SGCZ: variants seen among roughly 807,000 people sequenced by gnomAD.
SGCZ encodes zeta-sarcoglycan.
In SGCZ, 40 loss-of-function variants were observed where a neutral mutation model predicts 41.3. The observed-to-expected ratio is 0.97, with a 90% CI of 0.75 to 1.26. The LOEUF (loss-of-function observed/expected upper bound fraction) is 1.26. Ranked by LOEUF, SGCZ falls within the 50% of genes most tolerant of loss-of-function variation. The pLI is 0.00. For synonymous variants in SGCZ, 206 were observed against 137.5 expected, an observed-to-expected ratio of 1.50 and a Z score of -3.49; for missense variants, 552 against 369.8, an observed-to-expected ratio of 1.49 and a Z score of -4.04.
intron 1 of SGCZ, among the ~76,000 whole-genome samples, chr8:15,175,345 G>T (rs1320505658): frequency 6.6e-6 from 1 of 151,920 alleles, no homozygotes; most frequent in African/African-American, 2.4e-5. Context: ...AGATTACTAT[G>T]CAGCCATAAA....
chr8:14,876,882 G>T (rs1804376733), intron 1 of SGCZ, among the ~76,000 whole-genome samples: 1 of 152,152 alleles, frequency 6.6e-6, no homozygotes, highest in African/African-American at 2.4e-5. Flanking sequence ...CCCCCGCCCT[G>T]CAATGGAGTG....
intron 2 of SGCZ, among the ~76,000 whole-genome samples, chr8:14,495,739 G>C (rs1218218831): frequency 6.6e-6 from 1 of 152,082 alleles, no homozygotes; most frequent in East Asian, 1.9e-4. Context: ...AGTTACCAAA[G>C]GTAATTGCTC....
chr8:15,025,890 C>G (rs1248407811), intron 1 of SGCZ, among the ~76,000 whole-genome samples: 1 of 152,092 alleles, frequency 6.6e-6, no homozygotes, highest in Non-Finnish European at 1.5e-5. Flanking sequence ...TTAATACATA[C>G]TTTCATCTGC....
At chr8:15,038,031 G>A (rs1379222907) in intron 1 of SGCZ, among the ~76,000 whole-genome samples, 2 of 151,888 alleles carry the variant, frequency 1.3e-5, no homozygotes, top group African/African-American at 2.4e-5. Flanking sequence ...CCATACTAAC[G>A]GAAGCAATGA....
At chr8:15,091,247 T>C (rs1316507520) in intron 1 of SGCZ, among the ~76,000 whole-genome samples, 1 of 152,084 alleles carries the variant, frequency 6.6e-6, no homozygotes, top group Non-Finnish European at 1.5e-5. Context: ...CCTGCAACTC[T>C]GGGCTCAAGT....
At chr8:14,126,993 G>GGA (rs1563141819) in intron 5 of SGCZ, among the ~76,000 whole-genome samples, 1 of 151,932 alleles carries the variant, frequency 6.6e-6, no homozygotes, top group East Asian at 1.9e-4. Flanking sequence ...TCAGGGGGAG[G>GGA]GAGAGCATCA....
At chr8:14,426,079 T>A (rs770757478) in intron 2 of SGCZ, among the ~76,000 whole-genome samples, 2 of 152,186 alleles carry the variant, frequency 1.3e-5, no homozygotes, top group Non-Finnish European at 2.9e-5. Flanking sequence ...GACACATTAT[T>A]TGTTCCTTCA....
At chr8:14,415,119 T>A (rs1438998080) in intron 2 of SGCZ, among the ~76,000 whole-genome samples, 1 of 151,928 alleles carries the variant, frequency 6.6e-6, no homozygotes, top group Non-Finnish European at 1.5e-5. Flanking sequence ...GTAATTTCAG[T>A]GACTTTCAAA....
At chr8:14,242,335 T>A (rs766286019) in intron 3 of SGCZ, among the ~76,000 whole-genome samples, 2 of 152,170 alleles carry the variant, frequency 1.3e-5, no homozygotes, top group African/African-American at 4.8e-5. Flanking sequence ...ATACTTTACA[T>A]ATATGAGATC....
intron 1 of SGCZ, among the ~76,000 whole-genome samples, chr8:15,060,967 A>G (rs1367026997): frequency 6.6e-6 from 1 of 152,176 alleles, no homozygotes; most frequent in Non-Finnish European, 1.5e-5. Context: ...GGTAGAGTTT[A>G]TACAAAAGAT....
rs569295802 is a variant in SGCZ at position 14,350,591 on chromosome 8, G to A, written c.235-26387C>T. Among the ~76,000 whole-genome samples, 105 of 152,130 alleles carry A rather than the reference G, an allele frequency of 6.9e-4. 1 individual carries two copies. Among genetic ancestry groups the A allele is most frequent in the South Asian group, 4.2e-3 (20 of 4,818 alleles). On this transcript the variant is annotated intron_variant, in intron 2 of 7. Coordinates refer to ENST00000382080, the MANE Select transcript of SGCZ (RefSeq NM_139167.4). ...TGACCGGTACATACAGAGGTGTAAG[G>A]TTCTGGCCCTGTCGCCTCTAGAAAG...
chr8:14,244,674 T>C (rs973560064), intron 3 of SGCZ, among the ~76,000 whole-genome samples: 5 of 151,572 alleles, frequency 3.3e-5, no homozygotes, highest in Non-Finnish European at 5.9e-5. Context: ...ATCTATAAAT[T>C]ATCTTGGGCA....
Position 14,693,640 on chromosome 8 carries a change from G to C in SGCZ, c.40-138714C>G, listed in dbSNP as rs1477821626. On this transcript the variant is annotated intron_variant, in intron 1 of 7. Transcript: ENST00000382080. The stretch of plus-strand genomic sequence containing the variant: ...GAGTCTCGCTCTGTCGCCCAGGCTG[G>C]AGTGCAGTGGCGCGATCTCAGCTCA... Among the ~76,000 whole-genome samples the C allele has an allele frequency of 7.9e-5, 11 of 139,162 alleles. No homozygotes were observed. The East Asian group carries it at 2.4e-3, about 30-fold the overall frequency. The allele number at this position is 139,162 out of a possible 152,430, so 91.3% of individuals were successfully genotyped here.
At chr8:14,769,819 A>G (rs1442963063) in intron 1 of SGCZ, among the ~76,000 whole-genome samples, 1 of 144,412 alleles carries the variant, frequency 6.9e-6, no homozygotes, top group Non-Finnish European at 1.5e-5. Context: ...AAAAAAACCC[A>G]GCAACAAAAT....
At chr8:15,191,268 A>T (rs559564830) in intron 1 of SGCZ, among the ~76,000 whole-genome samples, 43 of 152,202 alleles carry the variant, frequency 2.8e-4, no homozygotes, top group African/African-American at 9.6e-4. Flanking sequence ...AAATTTTCGC[A>T]TGATCTAGTC....
intron 1 of SGCZ, among the ~76,000 whole-genome samples, chr8:14,715,525 T>C (rs1441970381): frequency 7.4e-6 from 1 of 135,322 alleles, no homozygotes; most frequent in African/African-American, 3.3e-5. Context: ...ATTACACAGA[T>C]ATCCTCCACC....
At chr8:14,589,741 A>G (rs1805181094) in intron 1 of SGCZ, among the ~76,000 whole-genome samples, 1 of 152,188 alleles carries the variant, frequency 6.6e-6, no homozygotes, top group African/African-American at 2.4e-5. Flanking sequence ...AGTAAAAGAA[A>G]AACACACAGC....
chr8:14,313,988 T>C (rs1205016214), intron 3 of SGCZ, among the ~76,000 whole-genome samples: 1 of 150,944 alleles, frequency 6.6e-6, no homozygotes, highest in African/African-American at 2.4e-5. Flanking sequence ...CCACAGGTAA[T>C]TCTTAAAGCA....
At chr8:14,306,208 G>C (rs1194592896) in intron 3 of SGCZ, among the ~76,000 whole-genome samples, 1 of 152,076 alleles carries the variant, frequency 6.6e-6, no homozygotes, top group Non-Finnish European at 1.5e-5. Flanking sequence ...GACAACAAAA[G>C]TAGTTTACAA....
Sources: allele counts gnomAD v4.1 joint callset (sites outside exome capture counted in the v4.1 genomes callset), GRCh38; gene constraint gnomAD v4.1.1; transcripts MANE v1.5; gene names NCBI Gene and HGNC (gene_info 2026-07-23, HGNC 2026-07-21).